FHOD3: variants seen among roughly 807,000 people sequenced by gnomAD.
FHOD3 encodes formin homology 2 domain containing 3.
Under a neutral mutation model 173.0 loss-of-function variants are expected in FHOD3, and 90 were observed. That is an observed-to-expected ratio of 0.52 (90% CI 0.44 to 0.62). The LOEUF is 0.62. Ranked by LOEUF, FHOD3 falls within the 20% of genes least tolerant of loss-of-function variation. The pLI is 0.00. For missense variants in FHOD3, 1,945 were observed against 2,034.7 expected, an observed-to-expected ratio of 0.96 and a Z score of 0.85; for synonymous variants, 828 against 823.0, an observed-to-expected ratio of 1.01 and a Z score of -0.10.
At chr18:36,440,184 G>C (rs958192270) in intron 3 of FHOD3, among the ~76,000 whole-genome samples, 1 of 152,146 alleles carries the variant, frequency 6.6e-6, no homozygotes, top group Non-Finnish European at 1.5e-5. Flanking sequence ...GATGCTGCTG[G>C]TCCAGGGACC....
chr18:36,670,035 C>G (rs1338854127), intron 14 of FHOD3, among the ~76,000 whole-genome samples: 1 of 149,234 alleles, frequency 6.7e-6, no homozygotes, highest in Non-Finnish European at 1.5e-5. Flanking sequence ...GTTTTTTTTT[C>G]TTTCAGTACT....
At chr18:36,588,731 C>T (rs752875970) in intron 6 of FHOD3, among the ~76,000 whole-genome samples, 9 of 152,156 alleles carry the variant, frequency 5.9e-5, no homozygotes, top group African/African-American at 1.7e-4. Context: ...TTTGTTTTTA[C>T]GTGTAAAAGT....
intron 10 of FHOD3, among the ~76,000 whole-genome samples, chr18:36,630,325 C>G (rs1230518929): frequency 6.6e-6 from 1 of 152,204 alleles, no homozygotes; most frequent in East Asian, 1.9e-4. Context: ...AATTGTCTTT[C>G]ACAGCTGACT....
chr18:36,643,119 C>T (rs1333825512), intron 10 of FHOD3, among the ~76,000 whole-genome samples: 2 of 152,004 alleles, frequency 1.3e-5, no homozygotes, highest in Non-Finnish European at 2.9e-5. Context: ...TTACCACAAT[C>T]TTTATCTATT....
At chr18:36,638,214 T>G (rs1015351744) in intron 10 of FHOD3, among the ~76,000 whole-genome samples, 2 of 152,030 alleles carry the variant, frequency 1.3e-5, no homozygotes, top group Non-Finnish European at 2.9e-5. Context: ...GGCATTTAGG[T>G]TGAGTCCCAA....
At chr18:36,500,095 G>T (rs988533779) in intron 3 of FHOD3, among the ~76,000 whole-genome samples, 1 of 152,190 alleles carries the variant, frequency 6.6e-6, no homozygotes, top group Non-Finnish European at 1.5e-5. Flanking sequence ...CAAGGGAGGG[G>T]GCTGTGTGAC....
intron 8 of FHOD3, among the ~76,000 whole-genome samples, chr18:36,608,371 G>A (rs1436381228): frequency 6.6e-6 from 1 of 152,140 alleles, no homozygotes. Flanking sequence ...CCATTTACCA[G>A]GAAACTACTC....
At chr18:36,386,504 A>T (rs900212746) in intron 3 of FHOD3, among the ~76,000 whole-genome samples, 24 of 152,228 alleles carry the variant, frequency 1.6e-4, no homozygotes, top group Admixed American at 6.5e-4. Context: ...AAGGAGCCCC[A>T]TGGAGCTGTC....
chr18:36,540,976 C>T (rs1165386787), intron 5 of FHOD3, among the ~76,000 whole-genome samples: 1 of 152,148 alleles, frequency 6.6e-6, no homozygotes, highest in Non-Finnish European at 1.5e-5. Flanking sequence ...TTGGGCTGGG[C>T]GTGGTGGCTC....
rs190163132 is a variant in FHOD3 at position 36,386,684 on chromosome 18, G to A, written c.337+13940G>A. ...GCTCCTGGAGGGCAGCACTGCTGTG[G>A]TGGAGATACTCAGAGGGCAGCTGGG... On this transcript the variant is annotated intron_variant, in intron 3 of 28. Coordinates refer to ENST00000590592, the MANE Select transcript of FHOD3 (RefSeq NM_001281740.3). 3.5e-3 allele frequency among the ~76,000 whole-genome samples: 530 copies of A among 152,334 alleles called. 3 individuals are homozygous for A. Among genetic ancestry groups the A allele is most frequent in the African/African-American group, 0.012 (498 of 41,578 alleles).
At chr18:36,554,379 C>T (rs1021611759) in intron 5 of FHOD3, among the ~76,000 whole-genome samples, 7 of 151,234 alleles carry the variant, frequency 4.6e-5, no homozygotes, top group Admixed American at 6.6e-5. Context: ...AGCAAACTAT[C>T]GCAAGGACAA....
At chr18:36,353,965 A>G (rs549243338) in intron 1 of FHOD3, among the ~76,000 whole-genome samples, 63 of 143,862 alleles carry the variant, frequency 4.4e-4, no homozygotes, top group Non-Finnish European at 8.3e-4. Context: ...GCCATAGGCA[A>G]GAAAAGAAAA....
At chr18:36,431,494 C>T (rs1222942727) in intron 3 of FHOD3, among the ~76,000 whole-genome samples, 1 of 152,186 alleles carries the variant, frequency 6.6e-6, no homozygotes, top group Non-Finnish European at 1.5e-5. Context: ...CTCCTGAGGG[C>T]AGTACTGCCT....
chr18:36,462,290 T>C (rs541418972), intron 3 of FHOD3, among the ~76,000 whole-genome samples: 5,221 of 146,594 alleles, frequency 0.036, 272 homozygotes, highest in African/African-American at 0.13. Flanking sequence ...AGTTCTCTCG[T>C]GTGTGTGTGT....
At chr18:36,421,098 T>C (rs890778846) in intron 3 of FHOD3, among the ~76,000 whole-genome samples, 1 of 152,192 alleles carries the variant, frequency 6.6e-6, no homozygotes, top group African/African-American at 2.4e-5. Context: ...GAACTGTTTT[T>C]AGTTTTCACT....
chr18:36,743,710 C>T (rs1456572693), intron 22 of FHOD3, among the ~76,000 whole-genome samples: 1 of 152,116 alleles, frequency 6.6e-6, no homozygotes, highest in East Asian at 1.9e-4. Flanking sequence ...CAGCTTTGTC[C>T]AGGAAGTAGA....
chr18:36,323,187 C>T (rs1568121476), intron 1 of FHOD3, among the ~76,000 whole-genome samples: 2 of 152,172 alleles, frequency 1.3e-5, no homozygotes, highest in African/African-American at 2.4e-5. Context: ...TGCCTCTGCT[C>T]CTCCTCTGTG....
At chr18:36,599,072 C>G (rs774650886) in intron 7 of FHOD3, among the ~76,000 whole-genome samples, 2 of 152,162 alleles carry the variant, frequency 1.3e-5, no homozygotes, top group Non-Finnish European at 2.9e-5. Context: ...CCTTAGAGAG[C>G]CTTGCTTTGT....
chr18:36,685,659 C>T (rs2038561663), intron 15 of FHOD3, among the ~76,000 whole-genome samples: 1 of 152,172 alleles, frequency 6.6e-6, no homozygotes, highest in Non-Finnish European at 1.5e-5. Flanking sequence ...CGGTCCTACA[C>T]TGCTGTAGTC....
Sources: gnomAD v4.1 joint callset for allele counts (sites outside exome capture counted in the v4.1 genomes callset) on GRCh38, gnomAD v4.1.1 for gene constraint, MANE v1.5 for transcripts, NCBI Gene and HGNC (gene_info 2026-07-23, HGNC 2026-07-21) for gene names.